The following SLC13A1 variants were observed in gnomAD, a reference collection of about 807,000 sequenced individuals.
SLC13A1 encodes Na(+)/sulfate cotransporter.
SLC13A1 carries 65 observed loss-of-function variants against 70.0 expected under a neutral mutation model. That is an observed-to-expected ratio of 0.93 (90% CI 0.76 to 1.14). The LOEUF is 1.14. Among genes scored for constraint, SLC13A1 ranks in the 50% most tolerant of loss-of-function variants. The pLI is 0.00. For synonymous variants in SLC13A1, 275 were observed against 250.5 expected, an observed-to-expected ratio of 1.10 and a Z score of -0.92; for missense variants, 726 against 717.8, an observed-to-expected ratio of 1.01 and a Z score of -0.13.
chr7:123,154,506 T>C (rs760449361), intron 6 of SLC13A1, among the ~76,000 whole-genome samples: 3 of 152,140 alleles, frequency 2.0e-5, no homozygotes, highest in South Asian at 2.1e-4. Context: ...ACGTATACTT[T>C]GTATCATCCT....
Position 123,117,740 on chromosome 7 carries a change from A to G in SLC13A1, c.1513-132T>C, listed in dbSNP as rs1046872805. 17 of 500,542 alleles carry G rather than the reference A, an allele frequency of 3.4e-5. No homozygotes were observed. In the Admixed American group the frequency reaches 5.2e-4, roughly 15 times the overall value. 31.0% of individuals were successfully genotyped at this position (500,542 alleles called of 1,614,324 possible). ...CTAATGATATAAAATTATATAAATT[A>G]TTGCAGTTATAACTTGAATATTTTT... is the stretch of plus-strand genomic sequence containing the variant. On this transcript the variant is annotated intron_variant, in intron 13 of 14. Coordinates refer to ENST00000194130, the MANE Select transcript of SLC13A1 (RefSeq NM_022444.4).
chr7:123,129,072 A>G (rs1049886889), intron 9 of SLC13A1, 126 bp from the exon 10 acceptor site: 2 of 724,348 alleles, frequency 2.8e-6, no homozygotes, highest in Admixed American at 5.0e-5. Context: ...AGATGTGTCA[A>G]TAATTTGAGA....
chr7:123,150,293 T>A (rs1463876967), intron 6 of SLC13A1, among the ~76,000 whole-genome samples: 1 of 152,160 alleles, frequency 6.6e-6, no homozygotes, highest in Non-Finnish European at 1.5e-5. Context: ...GGTATCACTG[T>A]GAAATGTAGA....
chr7:123,188,482 T>C (rs930932071), intron 1 of SLC13A1, among the ~76,000 whole-genome samples: 1 of 152,222 alleles, frequency 6.6e-6, no homozygotes, highest in Non-Finnish European at 1.5e-5. Flanking sequence ...TCTGATGGTA[T>C]GAAAAAATCT....
chr7:123,199,873 G>T lies in SLC13A1; in HGVS notation c.74C>A (p.Pro25His). 6.2e-7 allele frequency: 1 copy of T among 1,612,706 alleles called. No individual in the cohort carries two copies. Residue 25 changes from proline (P) to histidine (H), a missense_variant, in exon 1 of 15, where the codon CCT becomes CAT. By Grantham distance (77) the Pro-to-His change is moderately conservative. Coordinates refer to ENST00000194130, the MANE Select transcript of SLC13A1 (RefSeq NM_022444.4). The stretch of plus-strand genomic sequence containing the variant: ...CTTGGTGTGGAGGACGATGGGCAGA[G>T]GTAGTAAAACCAACACAGTGAAAAC... ...FVVFTVLVLL[P>H]LPIVLHTKEA...
intron 2 of SLC13A1, among the ~76,000 whole-genome samples, chr7:123,178,033 C>CTCTCTCTCTCTATATATATATA (rs761704605): frequency 6.7e-6 from 1 of 149,958 alleles, no homozygotes; most frequent in African/African-American, 2.5e-5. Flanking sequence ...CTCTCTCTCT[C>CTCTCTCTCTCTATATATATATA]TATATATATA....
chr7:123,148,427 A>C (rs1420259215), intron 6 of SLC13A1: 3 of 448,740 alleles, frequency 6.7e-6, no homozygotes, highest in Non-Finnish European at 1.3e-5. Context: ...GCACATCCTG[A>C]AATGGTTTCA....
At chr7:123,129,042 C>T in intron 9 of SLC13A1, 96 bp from the exon 10 acceptor site, 1 of 813,272 alleles carries the variant, frequency 1.2e-6, no homozygotes, top group Non-Finnish European at 2.1e-6. Flanking sequence ...CGCAGTAGAA[C>T]ACTAAACACT....
chr7:123,179,856 G>A (rs374310836), intron 2 of SLC13A1, among the ~76,000 whole-genome samples: 1 of 152,022 alleles, frequency 6.6e-6, no homozygotes, highest in Non-Finnish European at 1.5e-5. Flanking sequence ...CAAGCCCATG[G>A]GACAAGGGTT....
intron 8 of SLC13A1, among the ~76,000 whole-genome samples, chr7:123,129,877 T>C (rs1416263051): frequency 2.0e-5 from 3 of 152,228 alleles, no homozygotes; most frequent in African/African-American, 7.2e-5. Flanking sequence ...GTATCTTGGT[T>C]GTTAATTCTT....
chr7:123,138,679 C>T (rs1177330973), intron 7 of SLC13A1, among the ~76,000 whole-genome samples: 1 of 152,062 alleles, frequency 6.6e-6, no homozygotes, highest in Non-Finnish European at 1.5e-5. Flanking sequence ...AGTGATGTTG[C>T]ATGCTTTTTC....
chr7:123,163,374 A>G (rs1176546525), intron 6 of SLC13A1, among the ~76,000 whole-genome samples: 1 of 152,074 alleles, frequency 6.6e-6, no homozygotes, highest in Non-Finnish European at 1.5e-5. Context: ...CTCAGTTAGT[A>G]TTTGGGCCAT....
intron 14 of SLC13A1, among the ~76,000 whole-genome samples, chr7:123,116,998 G>T (rs1200525618): frequency 2.6e-5 from 4 of 152,168 alleles, no homozygotes; most frequent in African/African-American, 9.7e-5. Flanking sequence ...TCCTGGTATT[G>T]AAATCACAAC....
At chr7:123,184,132 A>G (rs1795724426) in intron 1 of SLC13A1, among the ~76,000 whole-genome samples, 2 of 151,892 alleles carry the variant, frequency 1.3e-5, no homozygotes. Context: ...CTATTTTTTT[A>G]TCCTTATTTT....
intron 7 of SLC13A1, among the ~76,000 whole-genome samples, chr7:123,146,754 A>T (rs1794367091): frequency 6.6e-6 from 1 of 152,208 alleles, no homozygotes; most frequent in Non-Finnish European, 1.5e-5. Flanking sequence ...AAGCCTTCCA[A>T]AATTAATACC....
At chr7:123,138,616 CT>C (rs945362976) in intron 7 of SLC13A1, among the ~76,000 whole-genome samples, 13 of 152,094 alleles carry the variant, frequency 8.5e-5, no homozygotes, top group African/African-American at 2.9e-4. Flanking sequence ...GCCATTTTAC[CT>C]GGGGTGAGAT....
chr7:123,128,450 G>C (rs926177370), intron 10 of SLC13A1, among the ~76,000 whole-genome samples: 1 of 152,034 alleles, frequency 6.6e-6, no homozygotes, highest in Non-Finnish European at 1.5e-5. Context: ...TAAGTGACTT[G>C]TCCAAAGTAA....
At chr7:123,153,866 A>G (rs976046441) in intron 6 of SLC13A1, among the ~76,000 whole-genome samples, 1 of 152,148 alleles carries the variant, frequency 6.6e-6, no homozygotes, top group Non-Finnish European at 1.5e-5. Context: ...GCCTGAAATG[A>G]AACATATATA....
intron 8 of SLC13A1, among the ~76,000 whole-genome samples, chr7:123,129,821 A>C (rs1793695185): frequency 6.6e-6 from 1 of 152,134 alleles, no homozygotes; most frequent in African/African-American, 2.4e-5. Flanking sequence ...TCTAACTAAC[A>C]TTTTATTACG....
Sources: gnomAD v4.1 joint callset for allele counts (sites outside exome capture counted in the v4.1 genomes callset) on GRCh38, gnomAD v4.1.1 for gene constraint, MANE v1.5 for transcripts, NCBI Gene and HGNC (gene_info 2026-07-23, HGNC 2026-07-21) for gene names.